Variants in TAF4 observed in about 807,000 individuals in gnomAD.
The protein encoded by TAF4 is TATA-box binding protein associated factor 4, also known as transcription initiation factor TFIID subunit 4.
Under a neutral mutation model 90.3 loss-of-function variants are expected in TAF4, and 9 were observed. That is an observed-to-expected ratio of 0.10 (90% confidence interval 0.06 to 0.17). The LOEUF is 0.17. TAF4 is among the 10% of genes least tolerant of loss of function. The pLI is 1.00. For missense variants in TAF4, 1,351 were observed against 1,370.7 expected (o/e 0.99, Z 0.23); for synonymous variants, 818 against 638.9 (o/e 1.28, Z -4.23).
intron 1 of TAF4, among the ~76,000 whole-genome samples, chr20:62,023,157 T>A (rs2055853325): frequency 6.6e-6 from 1 of 152,044 alleles, no homozygotes; most frequent in African/African-American, 2.4e-5. Context: ...TAAAAAAAGG[T>A]CAGGCTGGCC....
At position 62,064,590 on chromosome 20, in the gene TAF4, T is replaced by C; in HGVS notation, c.1221A>G (p.Ala407=). ...PTGLPKGAAG[A]VTQSLSRTPT... ...GCGTCCGGGACAGGCTCTGGGTCAC[T>C]GCGCCGGCCGCGCCTTTGGGCAGCC... Residue 407 remains alanine (A), a synonymous_variant, in exon 1 of 15, where the codon GCA becomes GCG. Transcript: ENST00000252996. 3 of 1,480,420 alleles carry C rather than the reference T, an allele frequency of 2.0e-6. No homozygotes were observed. The highest frequency in any genetic ancestry group is 2.7e-6 in the Non-Finnish European group (3 of 1,119,566). The allele number at this position is 1,480,420 out of a possible 1,614,324, so 91.7% of individuals were successfully genotyped here.
At chr20:62,000,424 A>G in intron 10 of TAF4, 128 bp downstream of exon 10, 7 of 1,408,182 alleles carry the variant, frequency 5.0e-6, no homozygotes, top group Non-Finnish European at 6.7e-6. Context: ...AACCACCACC[A>G]GCAACCATGT....
intron 1 of TAF4, among the ~76,000 whole-genome samples, chr20:62,061,596 A>G (rs540766137): frequency 5.7e-4 from 87 of 152,348 alleles, no homozygotes; most frequent in African/African-American, 1.9e-3. Context: ...AGATCTCTCA[A>G]CAATTTACCA....
intron 14 of TAF4, among the ~76,000 whole-genome samples, chr20:61,989,153 C>T (rs1404209128): frequency 3.3e-5 from 5 of 152,200 alleles, no homozygotes; most frequent in African/African-American, 4.8e-5. Flanking sequence ...AGGACCCCTT[C>T]GACATGGAAG....
chr20:62,065,394 C>G lies in TAF4; in HGVS notation c.417G>C (p.Pro139=), dbSNP rs1428238053. Residue 139 remains proline (P), a synonymous_variant, in exon 1 of 15, where the codon CCG becomes CCC. Transcript: ENST00000252996. ...PPEGSAGSCA[P]VPAAAAVAAG... ...CGGCGACGGCGGCGGCGGCGGGCAC[C>G]GGGGCGCAGGACCCCGCGCTGCCCT... 6 of 971,140 alleles carry G rather than the reference C, an allele frequency of 6.2e-6. No homozygotes were observed. Among genetic ancestry groups the G allele is most frequent in the Non-Finnish European group, 7.3e-6 (6 of 822,806 alleles). The allele number at this position is 971,140 out of a possible 1,614,324, so 60.2% of individuals were successfully genotyped here.
chr20:62,065,781 C>T lies in TAF4; in HGVS notation c.30G>A (p.Glu10=). 7.5e-7 allele frequency: 1 copy of T among 1,337,106 alleles called. No individual in the cohort carries two copies. Among genetic ancestry groups the T allele is most frequent in the South Asian group, 1.3e-5 (1 of 77,484 alleles). 82.8% of individuals were successfully genotyped at this position (1,337,106 alleles called of 1,614,324 possible). The change falls in exon 1 of 15, where the codon GAG becomes GAA. Residue 10 remains glutamate (E), a synonymous_variant. Transcript: ENST00000252996. ...CGTCCACCTCGCTGTTGAAGAAGAC[C>T]TCGTCCAGCAGATCCGAGCCCGCCG... The part of the protein sequence containing the change: MAAGSDLLD[E]VFFNSEVDEK...
intron 14 of TAF4, among the ~76,000 whole-genome samples, chr20:61,992,350 C>T (rs1370310587): frequency 6.6e-6 from 1 of 152,172 alleles, no homozygotes; most frequent in East Asian, 1.9e-4. Context: ...TGCCCATATT[C>T]TTATTCTCAG....
At chr20:62,057,494 C>T (rs1490292991) in intron 1 of TAF4, among the ~76,000 whole-genome samples, 2 of 152,262 alleles carry the variant, frequency 1.3e-5, no homozygotes, top group African/African-American at 4.8e-5. Context: ...TGTACCCCAA[C>T]ACCACCCTAC....
At position 62,065,881 on chromosome 20, in the gene TAF4, T is replaced by A. The variant is rs571488408; in HGVS notation, c.-71A>T. The stretch of plus-strand genomic sequence containing the variant: ...GCCTGGGCGAGGAGGAGGTTCCGAC[T>A]GGGGCGGGCGCTGGGCGGGCGGGGG... On this transcript the variant is annotated 5_prime_UTR_variant, in exon 1 of 15. Coordinates refer to ENST00000252996, the MANE Select transcript of TAF4 (RefSeq NM_003185.4). The A allele has an allele frequency of 1.3e-4, 137 of 1,038,342 alleles. No individual in the cohort carries two copies. In the African/African-American group the frequency reaches 2.5e-3, roughly 19 times the overall value. The allele number at this position is 1,038,342 out of a possible 1,614,324, so 64.3% of individuals were successfully genotyped here.
chr20:61,993,773 G>A (rs1466411325), intron 14 of TAF4, among the ~76,000 whole-genome samples: 1 of 152,088 alleles, frequency 6.6e-6, no homozygotes, highest in African/African-American at 2.4e-5. Flanking sequence ...TTGTTTTTGA[G>A]ATGGAGTCTC....
intron 9 of TAF4, among the ~76,000 whole-genome samples, chr20:62,000,995 A>G (rs2123125836): frequency 6.6e-6 from 1 of 152,352 alleles, no homozygotes; most frequent in African/African-American, 2.4e-5. Flanking sequence ...AGTCCAGAGA[A>G]AGCAAAGCCG....
At chr20:61,993,597 T>C (rs1443995780) in intron 14 of TAF4, among the ~76,000 whole-genome samples, 2 of 152,160 alleles carry the variant, frequency 1.3e-5, no homozygotes, top group African/African-American at 2.4e-5. Flanking sequence ...GCTGCACAAC[T>C]GGGGACTGGC....
At chr20:62,052,039 G>A (rs1164279530) in intron 1 of TAF4, among the ~76,000 whole-genome samples, 1 of 152,142 alleles carries the variant, frequency 6.6e-6, no homozygotes, top group Non-Finnish European at 1.5e-5. Flanking sequence ...TGACAGGAAG[G>A]CCACCTTCCC....
chr20:62,047,070 T>C (rs757867141), intron 1 of TAF4, among the ~76,000 whole-genome samples: 38 of 152,246 alleles, frequency 2.5e-4, no homozygotes, highest in Non-Finnish European at 5.0e-4. Flanking sequence ...TGAAGTCCTA[T>C]GTATCGACTT....
At chr20:62,011,813 C>T (rs564257769) in intron 3 of TAF4, among the ~76,000 whole-genome samples, 10 of 152,232 alleles carry the variant, frequency 6.6e-5, no homozygotes, top group Non-Finnish European at 1.3e-4. Flanking sequence ...ATGGCAGGTG[C>T]TTCACCAGCA....
At position 61,976,085 on chromosome 20, in the gene TAF4, G is replaced by A; in HGVS notation, c.*83C>T. Reference sequence around the variant, plus strand: ...ACTGTTCCATTGTAAAGAGGTGGCTGTTTTTTAAACAATATCCCATTTGCT... The same window carrying A: ...ACTGTTCCATTGTAAAGAGGTGGCTATTTTTTAAACAATATCCCATTTGCT... On this transcript the variant is annotated 3_prime_UTR_variant, in exon 15 of 15. Transcript: ENST00000252996. 6.7e-7 allele frequency: 1 copy of A among 1,491,166 alleles called. No individual in the cohort carries two copies. The highest frequency in any genetic ancestry group is 9.3e-7 in the Non-Finnish European group (1 of 1,078,774). The allele number at this position is 1,491,166 out of a possible 1,614,324, so 92.4% of individuals were successfully genotyped here.
chr20:61,990,888 C>T (rs879703401), intron 14 of TAF4, among the ~76,000 whole-genome samples: 22 of 152,170 alleles, frequency 1.4e-4, no homozygotes, highest in Non-Finnish European at 2.5e-4. Flanking sequence ...CTGCAAACCA[C>T]GTGTCCTGTT....
At chr20:62,053,207 G>A (rs745371777) in intron 1 of TAF4, among the ~76,000 whole-genome samples, 3 of 152,188 alleles carry the variant, frequency 2.0e-5, no homozygotes, top group East Asian at 1.9e-4. Flanking sequence ...CCTCCAAGAC[G>A]CCCAGTCCGT....
intron 2 of TAF4, 67 bp from the exon 3 acceptor site, chr20:62,013,001 G>C (rs560548337): frequency 6.3e-7 from 1 of 1,587,304 alleles, no homozygotes; most frequent in East Asian, 2.3e-5. Flanking sequence ...CAGGTACACA[G>C]AAATTATTCC....
Sources: allele counts gnomAD v4.1 joint callset (sites outside exome capture counted in the v4.1 genomes callset), GRCh38; gene constraint gnomAD v4.1.1; transcripts MANE v1.5; gene names NCBI Gene and HGNC (gene_info 2026-07-23, HGNC 2026-07-21).